The following SETD1B variants were observed in gnomAD, a reference collection of about 807,000 sequenced individuals.
SETD1B encodes the protein histone-lysine N-methyltransferase SETD1B.
SETD1B carries 7 observed loss-of-function variants against 148.0 expected under a neutral mutation model. The observed-to-expected ratio is 0.05, with a 90% CI of 0.03 to 0.09. SETD1B has a LOEUF of 0.09. SETD1B is among the 10% of genes least tolerant of loss of function. The pLI is 1.00. For missense variants in SETD1B, 2,155 were observed against 2,729.9 expected (o/e 0.79, Z 4.69); for synonymous variants, 1,361 against 1,186.5 (o/e 1.15, Z -3.02).
upstream of SETD1B, chr12:121,801,289 C>T (rs1292356007): frequency 1.3e-5 from 2 of 152,334 alleles, no homozygotes; most frequent in Admixed American, 6.5e-5. Context: ...TCTCCCCATC[C>T]AGGTTCAGAC....
At chr12:121,797,829 G>A in the SETD1B span, 1 of 337,038 alleles carries the variant, frequency 3.0e-6, no homozygotes, top group Non-Finnish European at 5.9e-6. Flanking sequence ...ATAGAAGGAG[G>A]AGGCTTTTGG....
At chr12:121,824,656 A>AG (rs1876753771) in intron 12 of SETD1B, among the ~76,000 whole-genome samples, 1 of 151,784 alleles carries the variant, frequency 6.6e-6, no homozygotes, top group Non-Finnish European at 1.5e-5. Flanking sequence ...CAAAAAAAAA[A>AG]AAAAACTCTG....
chr12:121,797,545 G>A, the SETD1B span: 44 of 456,456 alleles, frequency 9.6e-5, no homozygotes, highest in South Asian at 2.9e-4. Flanking sequence ...TCCCGACACC[G>A]TGCCGAGAAC....
chr12:121,823,349 A>ACCC lies in SETD1B; in HGVS notation c.4773_4775dup (p.Pro1598dup). ...CTCCACCACCCCTTCCCCCCCAGCC[A>ACCC]CCCCCACCCCCACCTCCCCCACCTG... On this transcript the variant is annotated inframe_insertion, in exon 12 of 17. Coordinates refer to ENST00000604567, the MANE Select transcript of SETD1B (RefSeq NM_001353345.2). 6.0e-6 allele frequency: 1 copy of ACCC among 166,810 alleles called. No individual in the cohort carries two copies. Among genetic ancestry groups the ACCC allele is most frequent in the Admixed American group, 1.1e-4 (1 of 9,480 alleles). The allele number at this position is 166,810 out of a possible 1,614,324, so 10.3% of individuals were successfully genotyped here.
At position 121,822,508 on chromosome 12, in the gene SETD1B, A is replaced by T; in HGVS notation, c.3929A>T (p.Glu1310Val). The T allele has an allele frequency of 6.5e-7, 1 of 1,545,552 alleles. No homozygotes were observed. Among genetic ancestry groups the T allele is most frequent in the Non-Finnish European group, 8.8e-7 (1 of 1,142,800 alleles). Residue 1310 changes from glutamate to valine, a missense_variant, in exon 12 of 17, where the codon GAG becomes GTG. Around this residue, in one of 11 missense-constraint regions of SETD1B, gnomAD observed 862 missense variants for 873.8 expected, o/e 0.99. Coordinates refer to ENST00000604567, the MANE Select transcript of SETD1B (RefSeq NM_001353345.2). ...TCTGCAGAACATGACCTGGAAGTGG[A>T]GCCGGAGCCCCCTATGATGCTCCCC... ...ERAPEHDLEV[E>V]PEPPMMLPLP...
rs1275765594 is a variant in SETD1B, at chr12:121,805,440, C to T, written c.273+224C>T. Among the ~76,000 whole-genome samples the T allele has an allele frequency of 6.6e-6, 1 of 152,200 alleles. No homozygotes were observed. Among genetic ancestry groups the T allele is most frequent in the Non-Finnish European group, 1.5e-5 (1 of 68,036 alleles). On this transcript the variant is annotated intron_variant, in intron 3 of 16. Transcript: ENST00000604567. The surrounding 1 kb of genome is among the most constrained non-coding windows in gnomAD (Gnocchi z 4.2). ...GTAATCACGGCGCAGATACAGTGTCCTGCACGCCCCGCGGGGGGCTCGGCT... is the reference window on the plus strand; with the variant it reads ...GTAATCACGGCGCAGATACAGTGTCTTGCACGCCCCGCGGGGGGCTCGGCT...
At chr12:121,824,646 CAAAA>C (rs1006520873) in intron 12 of SETD1B, among the ~76,000 whole-genome samples, 8 of 146,044 alleles carry the variant, frequency 5.5e-5, no homozygotes, top group Non-Finnish European at 9.0e-5. Flanking sequence ...GACTCTGTCT[CAAAA>C]AAAAAAAAAA....
the SETD1B span, chr12:121,793,555 C>T: frequency 9.0e-6 from 14 of 1,549,404 alleles, no homozygotes; most frequent in Non-Finnish European, 1.1e-5. Flanking sequence ...CAGCCGCCGT[C>T]GCCCACGATC....
At chr12:121,802,769 C>T (rs1197217734), upstream of SETD1B, 1 of 152,234 alleles carries the variant, frequency 6.6e-6, no homozygotes, top group Non-Finnish European at 1.5e-5. Flanking sequence ...AGTCTTCCAA[C>T]TGTGAGTCCT....
chr12:121,823,953 C>T (rs139141709), intron 12 of SETD1B, among the ~76,000 whole-genome samples: 16 of 152,294 alleles, frequency 1.1e-4, no homozygotes, highest in Admixed American at 6.5e-4. Context: ...TTAAGGACTC[C>T]CTCTGCGCCA....
chr12:121,797,411 C>CATTAAAAA, the SETD1B span: 1 of 454,316 alleles, frequency 2.2e-6, no homozygotes, highest in East Asian at 7.0e-5. Flanking sequence ...CTCGAGGGAC[C>CATTAAAAA]AGCAGGAACA....
chr12:121,828,936 C>T (rs992671268), intron 16 of SETD1B, among the ~76,000 whole-genome samples: 1 of 152,170 alleles, frequency 6.6e-6, no homozygotes, highest in Non-Finnish European at 1.5e-5. Context: ...GTGGTAGGGA[C>T]TTTCCTGTGA....
At chr12:121,811,841 C>T (rs1185011828) in intron 6 of SETD1B, among the ~76,000 whole-genome samples, 1 of 152,144 alleles carries the variant, frequency 6.6e-6, no homozygotes, top group African/African-American at 2.4e-5. Context: ...CTCCAGGGGG[C>T]CTCCAAGCAG....
At position 121,819,552 on chromosome 12, in the gene SETD1B, AGAG is replaced by A. The variant is rs769949938; in HGVS notation, c.3580_3582del (p.Glu1194del). 26 of 1,551,742 alleles carry A rather than the reference AGAG, an allele frequency of 1.7e-5. No homozygotes were observed. The highest frequency in any genetic ancestry group is 2.4e-5 in the South Asian group (2 of 84,058). ...TAGTGGCCAGGGAAGAGGAGGAAGA[AGAG>A]GAGGAGGAGGAGATGGTGGCCGAGG... On this transcript the variant is annotated inframe_deletion, in exon 11 of 17. Coordinates refer to ENST00000604567, the MANE Select transcript of SETD1B (RefSeq NM_001353345.2).
rs1359533700 is a variant in SETD1B at position 121,827,533 on chromosome 12, A to G, written c.5352A>G (p.Pro1784=). 13 of 1,543,660 alleles carry G rather than the reference A, an allele frequency of 8.4e-6. No homozygotes were observed. The highest frequency in any genetic ancestry group is 1.0e-5 in the Non-Finnish European group (12 of 1,145,682). Residue 1784 remains proline (P), a synonymous_variant, in exon 14 of 17, where the codon CCA becomes CCG. Coordinates refer to ENST00000604567, the MANE Select transcript of SETD1B (RefSeq NM_001353345.2). Reference sequence around the variant, plus strand: ...GTCCACTGCAGGGCATGAGCATCCCAGCACAGCCCCACGCCTCCACCCGGG... The same window carrying G: ...GTCCACTGCAGGGCATGAGCATCCCGGCACAGCCCCACGCCTCCACCCGGG... ...PPADTQGMSI[P]AQPHASTRAG...
At chr12:121,803,491 G>C (rs1374414982), upstream of SETD1B, 1 of 152,186 alleles carries the variant, frequency 6.6e-6, no homozygotes, top group Non-Finnish European at 1.5e-5. This position sits in a 1 kb window ranked among gnomAD's most constrained non-coding sequence, Gnocchi z 4.7. Context: ...CTCCGGGGAG[G>C]GGGTCGCGGG....
chr12:121,802,321 G>A (rs1875415526), upstream of SETD1B: 1 of 152,224 alleles, frequency 6.6e-6, no homozygotes, highest in African/African-American at 2.4e-5. Flanking sequence ...CATCAAAACT[G>A]TACTGCGTCA....
intron 16 of SETD1B, among the ~76,000 whole-genome samples, chr12:121,828,617 G>A (rs1309139578): frequency 6.6e-6 from 1 of 152,192 alleles, no homozygotes; most frequent in African/African-American, 2.4e-5. Flanking sequence ...CTAGAGGGGA[G>A]GGACACTGAT....
chr12:121,806,287 AG>A (rs1468123320), intron 4 of SETD1B, among the ~76,000 whole-genome samples, 182 bp downstream of exon 4: 1 of 148,144 alleles, frequency 6.8e-6, no homozygotes, highest in African/African-American at 2.5e-5. Flanking sequence ...GTCTGTTGCT[AG>A]GAGACAGTCT....
Sources: gnomAD v4.1 joint callset for allele counts (sites outside exome capture counted in the v4.1 genomes callset) on GRCh38, gnomAD v4.1.1 for gene constraint, gnomAD v4.1.1 regional missense constraint, Gnocchi (gnomAD v3.1) non-coding constraint, MANE v1.5 for transcripts, NCBI Gene and HGNC (gene_info 2026-07-23, HGNC 2026-07-21) for gene names.